ABCA1: variants seen among roughly 807,000 people sequenced by gnomAD.
ABCA1 encodes ATP binding cassette subfamily A member 1, also known as phospholipid-transporting ATPase ABCA1.
In ABCA1, 133 loss-of-function variants were observed where a neutral mutation model predicts 262.5. The observed-to-expected ratio is 0.51, with a 90% CI of 0.44 to 0.59. The LOEUF is 0.59. ABCA1 is among the 20% of genes least tolerant of loss of function. The probability of loss-of-function intolerance (pLI) is 0.00; values close to 1 mark genes in which losing one functional copy is unlikely to be tolerated. For missense variants in ABCA1, 2,452 were observed against 2,777.5 expected (o/e 0.88, Z 2.63); for synonymous variants, 1,022 against 1,043.5 (o/e 0.98, Z 0.40).
intron 40 of ABCA1, among the ~76,000 whole-genome samples, chr9:104,793,996 C>T (rs997212446): frequency 1.3e-5 from 2 of 152,228 alleles, no homozygotes; most frequent in Non-Finnish European, 2.9e-5. Context: ...TCTGCAGGCA[C>T]ATGATTCGCC....
At chr9:104,851,361 G>A (rs1392427670) in intron 7 of ABCA1, among the ~76,000 whole-genome samples, 3 of 152,054 alleles carry the variant, frequency 2.0e-5, no homozygotes, top group Non-Finnish European at 4.4e-5. Context: ...TGCCTCAGCC[G>A]ACCTTTGCCC....
At chr9:104,795,992 ACT>A in intron 39 of ABCA1, 59 bp downstream of exon 39, 1 of 1,608,116 alleles carries the variant, frequency 6.2e-7, no homozygotes, top group East Asian at 2.2e-5. Context: ...ACAATTAAAC[ACT>A]GTCCTCTGGC....
Position 104,873,950 on chromosome 9 carries a change from A to G in ABCA1, c.421+9089T>C, listed in dbSNP as rs560464194. Among the ~76,000 whole-genome samples the G allele has an allele frequency of 2.0e-5, 3 of 152,198 alleles. No homozygotes were observed. The East Asian group carries it at 5.8e-4, about 29-fold the overall frequency. On this transcript the variant is annotated intron_variant, in intron 5 of 49. Transcript: ENST00000374736. The stretch of plus-strand genomic sequence containing the variant: ...TCTGGCTGCCAAGTCTGTTCTCTTA[A>G]CACGAAGGTATATTTCCCAGGGAAT...
chr9:104,844,328 T>C (rs929774550), intron 8 of ABCA1, among the ~76,000 whole-genome samples: 2 of 140,268 alleles, frequency 1.4e-5, no homozygotes, highest in African/African-American at 2.5e-5. Flanking sequence ...CCAGCCTTCA[T>C]AACCAGGGTA....
chr9:104,783,675 G>A lies in ABCA1; in HGVS notation c.*640C>T, dbSNP rs79123530. The A allele has an allele frequency of 1.3e-5, 2 of 153,160 alleles. No homozygotes were observed. Among genetic ancestry groups the A allele is most frequent in the African/African-American group, 4.8e-5 (2 of 41,566 alleles). The allele number at this position is 153,160 out of a possible 1,614,324, so 9.5% of individuals were successfully genotyped here. The stretch of plus-strand genomic sequence containing the variant: ...ACTGCCACCAGAACAGCTTATCAGA[G>A]GGAATCAAAGCAGGATGTTAGCCAC... On this transcript the variant is annotated 3_prime_UTR_variant, in exon 50 of 50. Transcript: ENST00000374736.
At chr9:104,810,029 T>C (rs1021298598) in intron 29 of ABCA1, among the ~76,000 whole-genome samples, 13 of 151,422 alleles carry the variant, frequency 8.6e-5, no homozygotes, top group Non-Finnish European at 1.6e-4. Context: ...CATGCTATGT[T>C]CCACAACTAC....
intron 5 of ABCA1, among the ~76,000 whole-genome samples, chr9:104,865,533 G>C (rs919654487): frequency 1.8e-4 from 25 of 139,214 alleles, no homozygotes; most frequent in Admixed American, 5.6e-4. Context: ...AAAAAAAAAA[G>C]AATTTAATAA....
intron 40 of ABCA1, 51 bp downstream of exon 40, chr9:104,794,336 A>G (rs202051679): frequency 1.9e-4 from 311 of 1,613,298 alleles, no homozygotes; most frequent in Non-Finnish European, 1.9e-4. Flanking sequence ...ACCAAGGCCT[A>G]TGCAGAGTGC....
At position 104,837,039 on chromosome 9, in the gene ABCA1, C is replaced by T. The variant is rs769350817; in HGVS notation, c.1252G>A (p.Glu418Lys). 1.9e-6 allele frequency: 3 copies of T among 1,614,050 alleles called. No homozygotes were observed. The highest frequency in any genetic ancestry group is 2.5e-6 in the Non-Finnish European group (3 of 1,180,030). Residue 418 changes from glutamate to lysine, a missense_variant, in exon 11 of 50, where the codon GAA (glutamate) becomes AAA (lysine). Glu to Lys is a moderately conservative substitution (Grantham distance 56, BLOSUM62 1). Coordinates refer to ENST00000374736, the MANE Select transcript of ABCA1 (RefSeq NM_005502.4). ...AAGGTCCAGATCTTGGGGCTGAGTTCCTCCCACATGCCTTCCAGATCATGG... is the reference window on the plus strand; with the variant it reads ...AAGGTCCAGATCTTGGGGCTGAGTTTCTCCCACATGCCTTCCAGATCATGG... ...VFHDLEGMWE[E>K]LSPKIWTFME... is the part of the protein sequence containing the mutation.
intron 32 of ABCA1, among the ~76,000 whole-genome samples, chr9:104,804,169 G>A (rs1830572235): frequency 2.0e-5 from 3 of 152,160 alleles, no homozygotes; most frequent in African/African-American, 7.2e-5. Flanking sequence ...GCAGAGCCAA[G>A]GCAGGCTCCT....
At chr9:104,796,477 C>A in intron 37 of ABCA1, 53 bp from the exon 38 acceptor site, 1 of 1,384,136 alleles carries the variant, frequency 7.2e-7, no homozygotes, top group Non-Finnish European at 1.0e-6. Context: ...ATATACAATG[C>A]ATCACACAAG....
chr9:104,820,002 C>T lies in ABCA1; in HGVS notation c.3028G>A (p.Ala1010Thr). 6.2e-7 allele frequency: 1 copy of T among 1,614,112 alleles called. No homozygotes were observed. Among genetic ancestry groups the T allele is most frequent in the Non-Finnish European group, 8.5e-7 (1 of 1,180,022 alleles). ...TCCAGGGCCATCTGCTCCATCTCCGCCTTCACGTGCTTCTCAGAGAGCCCT... is the reference window on the plus strand; with the variant it reads ...TCCAGGGCCATCTGCTCCATCTCCGTCTTCACGTGCTTCTCAGAGAGCCCT... ...LKGLSEKHVKAEMEQMALDVG... is the reference protein window; with the variant it reads ...LKGLSEKHVKTEMEQMALDVG... The change falls in exon 21 of 50, where the codon GCG becomes ACG. Residue 1010 changes from alanine (A) to threonine (T), a missense_variant. By Grantham distance (58) the Ala-to-Thr change is moderately conservative. Transcript: ENST00000374736.
chr9:104,902,042 G>A (rs1369669571), intron 2 of ABCA1, among the ~76,000 whole-genome samples: 1 of 152,076 alleles, frequency 6.6e-6, no homozygotes, highest in Admixed American at 6.6e-5. Context: ...TCTCACTAGA[G>A]ACCTCAGAAT....
intron 40 of ABCA1, among the ~76,000 whole-genome samples, chr9:104,794,004 G>T (rs184222258): frequency 6.6e-6 from 1 of 152,116 alleles, no homozygotes; most frequent in Admixed American, 6.6e-5. Flanking sequence ...CACATGATTC[G>T]CCTAAAAGAG....
intron 4 of ABCA1, 37 bp downstream of exon 4, chr9:104,884,390 T>C: frequency 5.0e-6 from 8 of 1,613,812 alleles, no homozygotes; most frequent in Non-Finnish European, 6.8e-6. Context: ...AAGGATTAAC[T>C]GACAAGTTTG....
chr9:104,891,939 T>A (rs1588524359), intron 2 of ABCA1, among the ~76,000 whole-genome samples: 1 of 121,086 alleles, frequency 8.3e-6, no homozygotes, highest in Admixed American at 1.1e-4. Flanking sequence ...CACTCCGGCC[T>A]GGGCGACAGA....
At chr9:104,794,764 G>A (rs916529013) in intron 39 of ABCA1, among the ~76,000 whole-genome samples, 1 of 152,156 alleles carries the variant, frequency 6.6e-6, no homozygotes, top group African/African-American at 2.4e-5. Flanking sequence ...GAGAAATAAT[G>A]AATAAAGCTT....
Position 104,840,204 on chromosome 9 carries a change from G to A in ABCA1, c.1054+75C>T, listed in dbSNP as rs1000737524. 3.1e-6 allele frequency: 5 copies of A among 1,611,038 alleles called. No homozygotes were observed. In the African/African-American group the frequency reaches 6.7e-5, roughly 22 times the overall value. ...ATCTAACGCTGCTACAGAGGGAGGA[G>A]ATGACACAGGCCAAGGCCAGAACTA... is the stretch of plus-strand genomic sequence containing the variant. On this transcript the variant is annotated intron_variant, in intron 9 of 49. Coordinates refer to ENST00000374736, the MANE Select transcript of ABCA1 (RefSeq NM_005502.4).
At chr9:104,901,810 C>T (rs1840688201) in intron 2 of ABCA1, among the ~76,000 whole-genome samples, 1 of 152,140 alleles carries the variant, frequency 6.6e-6, no homozygotes, top group African/African-American at 2.4e-5. Context: ...AGTTACTTAA[C>T]CTCTCTGAGT....
Sources: allele counts gnomAD v4.1 joint callset (sites outside exome capture counted in the v4.1 genomes callset), GRCh38; gene constraint gnomAD v4.1.1; transcripts MANE v1.5; gene names NCBI Gene and HGNC (gene_info 2026-07-23, HGNC 2026-07-21).